Variants in ALK observed in about 807,000 individuals in gnomAD.
ALK encodes ALK tyrosine kinase receptor.
In ALK, 74 loss-of-function variants were observed where a neutral mutation model predicts 163.1. That is an observed-to-expected ratio of 0.45 (90% CI 0.38 to 0.55). The LOEUF (loss-of-function observed/expected upper bound fraction) is 0.55, where lower values mean the gene tolerates loss of function less well. ALK is among the 20% of genes least tolerant of loss of function. The pLI is 0.00. For missense variants in ALK, 2,063 were observed against 2,105.3 expected (o/e 0.98, Z 0.39); for synonymous variants, 960 against 843.2 (o/e 1.14, Z -2.40).
chr2:29,377,797 A>T (rs747232551), intron 5 of ALK, among the ~76,000 whole-genome samples: 13 of 152,230 alleles, frequency 8.5e-5, no homozygotes, highest in Non-Finnish European at 1.5e-4. Context: ...TAATAATGGG[A>T]CTGCATTTGA....
chr2:29,733,356 T>G (rs1679800137), intron 1 of ALK, among the ~76,000 whole-genome samples: 1 of 152,066 alleles, frequency 6.6e-6, no homozygotes, highest in Non-Finnish European at 1.5e-5. Flanking sequence ...GCAAACTAGA[T>G]TAAGGGAAAA....
chr2:29,819,760 CAGCTCCTGTGCTAGACT>C (rs1664995135), intron 1 of ALK, among the ~76,000 whole-genome samples: 1 of 152,172 alleles, frequency 6.6e-6, no homozygotes, highest in African/African-American at 2.4e-5. Flanking sequence ...CTGAATGTTT[CAGCTCCTGTGCTAGACT>C]CCCCATGGTC....
Position 29,226,984 on chromosome 2 carries a change from T to G in ALK, c.3005A>C (p.His1002Pro), listed in dbSNP as rs760587817. 4 of 1,614,232 alleles carry G rather than the reference T, an allele frequency of 2.5e-6. No individual in the cohort carries two copies. In the Admixed American group the frequency reaches 5.0e-5, roughly 20 times the overall value. ...VDECHMDPES[H>P]KVICFCDHGT... is the part of the protein sequence containing the mutation. The stretch of plus-strand genomic sequence containing the variant: ...GTGGTCACAGAAGCAGATGACCTTG[T>G]GGCTTTCAGGGTCCATGTGACATTC... Residue 1002 changes from histidine (H) to proline (P), a missense_variant, in exon 18 of 29, where the codon CAC becomes CCC. Transcript: ENST00000389048.
intron 4 of ALK, among the ~76,000 whole-genome samples, chr2:29,415,710 C>T (rs936532509): frequency 6.6e-6 from 1 of 152,206 alleles, no homozygotes; most frequent in Non-Finnish European, 1.5e-5. Flanking sequence ...AAGAGATTAG[C>T]ATTTGAATCA....
At chr2:29,619,378 C>G (rs1201654141) in intron 3 of ALK, among the ~76,000 whole-genome samples, 1 of 152,188 alleles carries the variant, frequency 6.6e-6, no homozygotes, top group Non-Finnish European at 1.5e-5. Flanking sequence ...CAAATGTACT[C>G]AAGTTTCTCC....
chr2:29,567,879 G>A (rs560475025), intron 3 of ALK, among the ~76,000 whole-genome samples: 30 of 152,274 alleles, frequency 2.0e-4, no homozygotes, highest in African/African-American at 3.6e-4. Context: ...GCCTATTAGC[G>A]TTAAATACTA....
chr2:29,562,593 C>A (rs1317326704), intron 3 of ALK, among the ~76,000 whole-genome samples: 1 of 152,050 alleles, frequency 6.6e-6, no homozygotes, highest in Non-Finnish European at 1.5e-5. Context: ...ACTGCATTGG[C>A]TCAATAGCAG....
intron 3 of ALK, among the ~76,000 whole-genome samples, chr2:29,627,285 C>T (rs563195730): frequency 7.9e-5 from 12 of 152,270 alleles, no homozygotes; most frequent in African/African-American, 2.6e-4. Flanking sequence ...TACACAGTAC[C>T]CAGAGAGGAC....
At chr2:29,762,952 T>C (rs1196327551) in intron 1 of ALK, among the ~76,000 whole-genome samples, 1 of 151,978 alleles carries the variant, frequency 6.6e-6, no homozygotes, top group Non-Finnish European at 1.5e-5. Flanking sequence ...CTGAGCGTGG[T>C]GATGTATGCC....
intron 4 of ALK, among the ~76,000 whole-genome samples, chr2:29,525,626 C>T (rs943656112): frequency 6.6e-6 from 1 of 151,774 alleles, no homozygotes; most frequent in Non-Finnish European, 1.5e-5. Flanking sequence ...CCTGTCTCTA[C>T]TAAAAATACA....
intron 2 of ALK, among the ~76,000 whole-genome samples, chr2:29,699,797 G>A (rs1678679072): frequency 1.3e-5 from 2 of 152,190 alleles, no homozygotes; most frequent in Non-Finnish European, 2.9e-5. Context: ...TGAAATCATT[G>A]TCACTTACTT....
chr2:29,305,225 C>T (rs941542717), intron 8 of ALK, among the ~76,000 whole-genome samples: 5 of 151,994 alleles, frequency 3.3e-5, no homozygotes, highest in South Asian at 2.1e-4. Flanking sequence ...TTTCCTGCAG[C>T]GGGGAGTCTG....
At chr2:29,456,557 A>G (rs1670958600) in intron 4 of ALK, among the ~76,000 whole-genome samples, 1 of 152,162 alleles carries the variant, frequency 6.6e-6, no homozygotes, top group Admixed American at 6.5e-5. Context: ...CAGGGGCTAG[A>G]GGGAGAATGA....
At chr2:29,551,581 C>T (rs1471866305) in intron 3 of ALK, among the ~76,000 whole-genome samples, 8 of 152,110 alleles carry the variant, frequency 5.3e-5, no homozygotes, top group African/African-American at 1.9e-4. Flanking sequence ...TGGTTTTTCT[C>T]CAGGACTTAC....
intron 3 of ALK, among the ~76,000 whole-genome samples, chr2:29,612,740 A>G (rs952084328): frequency 2.0e-5 from 3 of 152,086 alleles, no homozygotes; most frequent in African/African-American, 7.2e-5. Context: ...GGGATGGGAA[A>G]ATGGGAGCTT....
intron 8 of ALK, among the ~76,000 whole-genome samples, chr2:29,306,574 C>T (rs1248592360): frequency 1.3e-5 from 2 of 152,322 alleles, no homozygotes; most frequent in Non-Finnish European, 2.9e-5. Flanking sequence ...CCTAGAAATA[C>T]TTTCGTGCTG....
chr2:29,830,021 C>G (rs1474190842), intron 1 of ALK, among the ~76,000 whole-genome samples: 1 of 152,216 alleles, frequency 6.6e-6, no homozygotes, highest in Non-Finnish European at 1.5e-5. Flanking sequence ...TTCATCACTC[C>G]CTTGGCAAAC....
rs141756061 is a variant in ALK at position 29,661,155 on chromosome 2, A to G, written c.952+33695T>C. On this transcript the variant is annotated intron_variant, in intron 3 of 28. Transcript: ENST00000389048. ...ATTTAAATCTCATCACAACCCTAAA[A>G]CAAGATATTATTATTCTTATTTTAA... 1.6e-4 allele frequency among the ~76,000 whole-genome samples: 25 copies of G among 152,294 alleles called. No individual in the cohort carries two copies. The East Asian group carries it at 4.3e-3, about 26-fold the overall frequency.
chr2:29,392,355 C>A (rs539151969), intron 4 of ALK, among the ~76,000 whole-genome samples: 1 of 152,212 alleles, frequency 6.6e-6, no homozygotes, highest in African/African-American at 2.4e-5. Flanking sequence ...GCACTTCCTA[C>A]TATAATGCAC....
Sources: allele counts gnomAD v4.1 joint callset (sites outside exome capture counted in the v4.1 genomes callset), GRCh38; gene constraint gnomAD v4.1.1; transcripts MANE v1.5; gene names NCBI Gene and HGNC (gene_info 2026-07-23, HGNC 2026-07-21).